Variants in ADGRB3 observed in about 807,000 individuals in gnomAD.
ADGRB3 encodes adhesion G protein-coupled receptor B3.
Under a neutral mutation model 193.4 loss-of-function variants are expected in ADGRB3, and 37 were observed. The ratio of observed to expected loss-of-function variants is 0.19; its 90% CI spans 0.15 to 0.25. The LOEUF (loss-of-function observed/expected upper bound fraction) is 0.25, where lower values mean the gene tolerates loss of function less well. Ranked by LOEUF, ADGRB3 falls within the 10% of genes least tolerant of loss-of-function variation. The pLI is 1.00. For missense variants in ADGRB3, 1,637 were observed against 1,852.9 expected, an observed-to-expected ratio of 0.88 and a Z score of 2.14; for synonymous variants, 690 against 644.2, an observed-to-expected ratio of 1.07 and a Z score of -1.08.
At chr6:69,205,235 G>A (rs1512233) in intron 17 of ADGRB3, among the ~76,000 whole-genome samples, 9,789 of 151,904 alleles carry the variant, frequency 0.064, 852 homozygotes, top group African/African-American at 0.19. Flanking sequence ...ATTCACCTGG[G>A]GTCCTCATTG....
intron 3 of ADGRB3, among the ~76,000 whole-genome samples, chr6:68,808,596 T>A (rs111798190): frequency 5.9e-5 from 9 of 152,298 alleles, no homozygotes; most frequent in African/African-American, 2.2e-4. Flanking sequence ...AAATTTCAGA[T>A]ATAATCATTA....
intron 17 of ADGRB3, among the ~76,000 whole-genome samples, chr6:69,223,500 A>G (rs1416503380): frequency 1.3e-5 from 2 of 152,114 alleles, no homozygotes; most frequent in African/African-American, 4.8e-5. Context: ...CCATGATCCC[A>G]TGCCAAAAGC....
chr6:68,735,634 T>G (rs890565648), intron 3 of ADGRB3, among the ~76,000 whole-genome samples: 1 of 152,120 alleles, frequency 6.6e-6, no homozygotes, highest in African/African-American at 2.4e-5. Flanking sequence ...GAGGTTATAA[T>G]GAAATTATGA....
intron 26 of ADGRB3, 36 bp downstream of exon 26, chr6:69,339,540 T>A: frequency 3.1e-6 from 5 of 1,587,954 alleles, no homozygotes; most frequent in Non-Finnish European, 4.3e-6. Flanking sequence ...ACAGTGATGG[T>A]TGGAATGGTA....
intron 16 of ADGRB3, among the ~76,000 whole-genome samples, chr6:69,066,490 G>A (rs1326973213): frequency 1.3e-5 from 2 of 151,862 alleles, no homozygotes; most frequent in Non-Finnish European, 2.9e-5. Context: ...TTAACAAATA[G>A]CATTTACAAT....
At chr6:68,905,205 T>C (rs906374689) in intron 3 of ADGRB3, among the ~76,000 whole-genome samples, 2 of 152,124 alleles carry the variant, frequency 1.3e-5, no homozygotes, top group African/African-American at 4.8e-5. Flanking sequence ...TCCAAACCCA[T>C]GTTGTGGTTT....
At chr6:69,261,262 G>A (rs919902420) in intron 20 of ADGRB3, among the ~76,000 whole-genome samples, 4 of 152,108 alleles carry the variant, frequency 2.6e-5, no homozygotes, top group Admixed American at 2.6e-4. Context: ...GTCTCAAGCT[G>A]TTAGAACTGA....
chr6:69,330,361 A>C, intron 22 of ADGRB3, 145 bp from the exon 23 acceptor site: 1 of 470,046 alleles, frequency 2.1e-6, no homozygotes, highest in South Asian at 6.7e-5. Context: ...TTTTTTCTAC[A>C]TCTTCTATGT....
At chr6:69,192,284 C>A (rs539249450) in intron 17 of ADGRB3, among the ~76,000 whole-genome samples, 1 of 151,996 alleles carries the variant, frequency 6.6e-6, no homozygotes, top group East Asian at 1.9e-4. Context: ...ACTTGGAGTC[C>A]GATGTTAGAG....
intron 17 of ADGRB3, among the ~76,000 whole-genome samples, chr6:69,209,522 A>G (rs545471602): frequency 6.6e-6 from 1 of 152,244 alleles, no homozygotes; most frequent in Non-Finnish European, 1.5e-5. Context: ...ACTGGATCCA[A>G]TCAACATAAT....
intron 8 of ADGRB3, among the ~76,000 whole-genome samples, chr6:68,970,549 G>T (rs544423079): frequency 2.6e-5 from 4 of 152,214 alleles, no homozygotes; most frequent in African/African-American, 9.6e-5. Context: ...CTCATGATCT[G>T]CCCGCCTTGG....
rs542280205 is a variant in ADGRB3, at chr6:68,689,072, G to GT, written c.757+49643dup. 7.9e-5 allele frequency among the ~76,000 whole-genome samples: 12 copies of GT among 152,144 alleles called. No individual in the cohort carries two copies. In the East Asian group the frequency reaches 2.3e-3, roughly 29 times the overall value. On this transcript the variant is annotated intron_variant, in intron 3 of 31. Coordinates refer to ENST00000370598, the MANE Select transcript of ADGRB3 (RefSeq NM_001704.3). ...TCTGACCATACGTCTGTAAATAGCC[G>GT]TTTAAGGATAAGGACCTTTTACAGA...
At chr6:68,719,030 A>G (rs757039810) in intron 3 of ADGRB3, among the ~76,000 whole-genome samples, 36 of 151,918 alleles carry the variant, frequency 2.4e-4, no homozygotes, top group Non-Finnish European at 5.0e-4. Flanking sequence ...ATTGTGTCCT[A>G]ATTATGTACT....
intron 8 of ADGRB3, among the ~76,000 whole-genome samples, chr6:68,958,870 AGTGTGTGTGTGTGT>A (rs66559521): frequency 4.8e-5 from 7 of 147,232 alleles, no homozygotes; most frequent in African/African-American, 1.5e-4. Context: ...AAAGAAAAAT[AGTGTGTGTGTGTGT>A]GTGTGTGTGT....
chr6:68,888,596 C>T (rs1425321014), intron 3 of ADGRB3, among the ~76,000 whole-genome samples: 1 of 151,190 alleles, frequency 6.6e-6, no homozygotes, highest in Non-Finnish European at 1.5e-5. Flanking sequence ...TCCTGCCCTC[C>T]AGCTACCTTC....
At chr6:68,924,649 C>G (rs1767131400) in intron 3 of ADGRB3, among the ~76,000 whole-genome samples, 2 of 151,844 alleles carry the variant, frequency 1.3e-5, no homozygotes, top group South Asian at 4.2e-4. Context: ...TAGAAGTGCC[C>G]TAAAATTACT....
chr6:68,706,737 T>G (rs557925503), intron 3 of ADGRB3, among the ~76,000 whole-genome samples: 2 of 152,374 alleles, frequency 1.3e-5, no homozygotes, highest in East Asian at 1.9e-4. Flanking sequence ...TTAGTGTTAC[T>G]ACAGGCATAT....
Position 69,075,289 on chromosome 6 carries a change from T to A in ADGRB3, c.2437-706T>A, listed in dbSNP as rs148591669. On this transcript the variant is annotated intron_variant, in intron 16 of 31. Coordinates refer to ENST00000370598, the MANE Select transcript of ADGRB3 (RefSeq NM_001704.3). ...AAGACTCTTCAGGCATATGACAGAA[T>A]CTGTAGAAACATGTATCTAAATACA... is the stretch of plus-strand genomic sequence containing the variant. 4.0e-4 allele frequency among the ~76,000 whole-genome samples: 61 copies of A among 152,298 alleles called. No individual in the cohort carries two copies. The East Asian group carries it at 0.011, about 27-fold the overall frequency.
At chr6:69,279,060 T>A (rs1767362250) in intron 20 of ADGRB3, among the ~76,000 whole-genome samples, 1 of 117,580 alleles carries the variant, frequency 8.5e-6, no homozygotes, top group African/African-American at 3.2e-5. Flanking sequence ...TATGGCATAT[T>A]AAATACATAT....
Sources: gnomAD v4.1 joint callset for allele counts (sites outside exome capture counted in the v4.1 genomes callset) on GRCh38, gnomAD v4.1.1 for gene constraint, MANE v1.5 for transcripts, NCBI Gene and HGNC (gene_info 2026-07-23, HGNC 2026-07-21) for gene names.